PSMD1: variants seen among roughly 807,000 people sequenced by gnomAD.
The protein encoded by PSMD1 is 26S proteasome non-ATPase regulatory subunit 1.
In PSMD1, 18 loss-of-function variants were observed where a neutral mutation model predicts 119.0. That is an observed-to-expected ratio of 0.15 (90% CI 0.10 to 0.22). PSMD1 has a LOEUF of 0.22. PSMD1 is among the 10% of genes least tolerant of loss of function. The pLI, the probability that PSMD1 is intolerant of heterozygous loss-of-function variation, is 1.00. For missense variants in PSMD1, 702 were observed against 1,158.5 expected (o/e 0.61, Z 5.72); for synonymous variants, 374 against 396.6 (o/e 0.94, Z 0.68).
intron 4 of PSMD1, 44 bp from the exon 5 acceptor site, chr2:231,066,862 T>G (rs914166227): frequency 1.4e-6 from 2 of 1,471,878 alleles, no homozygotes; most frequent in Admixed American, 2.3e-5. Context: ...TCTGATAGTT[T>G]AGCCCAATTT....
At chr2:231,172,364 A>T (rs913189185) in intron 24 of PSMD1, among the ~76,000 whole-genome samples, 171 bp from the exon 25 acceptor site, 1 of 152,224 alleles carries the variant, frequency 6.6e-6, no homozygotes, top group Non-Finnish European at 1.5e-5. Context: ...TCAGTCCATT[A>T]GGAGTTTGGA....
At chr2:231,089,397 AG>A (rs1243058107) in intron 16 of PSMD1, among the ~76,000 whole-genome samples, 1 of 152,202 alleles carries the variant, frequency 6.6e-6, no homozygotes, top group Non-Finnish European at 1.5e-5. Context: ...TCACAGCTTC[AG>A]AGGACAGGCT....
intron 16 of PSMD1, among the ~76,000 whole-genome samples, chr2:231,098,576 T>C (rs889187828): frequency 6.6e-5 from 10 of 151,540 alleles, no homozygotes; most frequent in Admixed American, 1.3e-4. Context: ...TCTCTCTCTC[T>C]CCCCTCTCTG....
At chr2:231,058,487 G>A (rs1293768125) in intron 1 of PSMD1, among the ~76,000 whole-genome samples, 1 of 151,280 alleles carries the variant, frequency 6.6e-6, no homozygotes, top group East Asian at 1.9e-4. Flanking sequence ...TTCTTACTGT[G>A]GTGGTCGGAC....
intron 16 of PSMD1, among the ~76,000 whole-genome samples, chr2:231,127,174 C>T (rs1254253975): frequency 6.6e-6 from 1 of 151,536 alleles, no homozygotes; most frequent in Non-Finnish European, 1.5e-5. Context: ...TTTTAATAAA[C>T]ATGTTTCCCT....
chr2:231,064,279 G>A (rs903008483), intron 4 of PSMD1, among the ~76,000 whole-genome samples: 1 of 152,188 alleles, frequency 6.6e-6, no homozygotes, highest in Non-Finnish European at 1.5e-5. Context: ...AGGCTTCCTA[G>A]CGTCTTAATG....
intron 21 of PSMD1, 158 bp from the exon 22 acceptor site, chr2:231,165,041 TA>T (rs1696737850): frequency 1.1e-4 from 1 of 9,438 alleles, no homozygotes; most frequent in Non-Finnish European, 1.7e-4. Flanking sequence ...TATTTATATA[TA>T]TATATATATA....
At chr2:231,082,466 G>A (rs1055577655) in intron 12 of PSMD1, among the ~76,000 whole-genome samples, 2 of 152,214 alleles carry the variant, frequency 1.3e-5, no homozygotes, top group Non-Finnish European at 2.9e-5. Context: ...AACTTTGGGA[G>A]GCCAAGGTGG....
rs768662375 is a variant in PSMD1, at chr2:231,070,141, G to T, written c.627G>T (p.Glu209Asp). ...TAGTTAAAATCTACATGAACTTGGAGAAACCTGATTTCATCAATGTTTGTC... is the reference window on the plus strand; with the variant it reads ...TAGTTAAAATCTACATGAACTTGGATAAACCTGATTTCATCAATGTTTGTC... ...RVLVKIYMNL[E>D]KPDFINVCQC... Residue 209 changes from glutamate (E) to aspartate (D), a missense_variant, in exon 6 of 25, where the codon GAG (glutamate) becomes GAT (aspartate). Physicochemically the swap from Glu to Asp is conservative, Grantham distance 45. Around this residue, in one of 9 missense-constraint regions of PSMD1, gnomAD observed 32 missense variants for 77.1 expected, o/e 0.42. Transcript: ENST00000308696. 1.2e-5 allele frequency: 19 copies of T among 1,554,868 alleles called. No homozygotes were observed. Among genetic ancestry groups the T allele is most frequent in the South Asian group, 1.2e-5 (1 of 80,256 alleles).
Position 231,070,401 on chromosome 2 carries a change from G to A in PSMD1, c.654+233G>A, listed in dbSNP as rs116468775. Among the ~76,000 whole-genome samples the A allele has an allele frequency of 9.9e-3, 1,505 of 151,970 alleles. 14 individuals are homozygous for A. The highest frequency in any genetic ancestry group is 0.017 in the Middle Eastern group (5 of 294). On this transcript the variant is annotated intron_variant, in intron 6 of 24. Transcript: ENST00000308696. ...TTTTGTTGTAACACATTCTTTCTTT[G>A]TATTCTTTTTTCATTTTGAAAATCC...
Position 231,144,159 on chromosome 2 carries a change from G to A in PSMD1, c.1999-2081G>A, listed in dbSNP as rs78389116. Among the ~76,000 whole-genome samples the A allele has an allele frequency of 3.3e-3, 507 of 152,080 alleles. 3 individuals are homozygous for A. The highest frequency in any genetic ancestry group is 0.011 in the African/African-American group (475 of 41,504). On this transcript the variant is annotated intron_variant, in intron 17 of 24. Transcript: ENST00000308696. Reference sequence around the variant, plus strand: ...GCTAGTCTTGAACTCTTGGGATCAAGTAGTCATCCCACCTTGCCTCTCAGA... The same window carrying A: ...GCTAGTCTTGAACTCTTGGGATCAAATAGTCATCCCACCTTGCCTCTCAGA...
At chr2:231,092,761 C>T (rs1438349402) in intron 16 of PSMD1, among the ~76,000 whole-genome samples, 1 of 152,172 alleles carries the variant, frequency 6.6e-6, no homozygotes, top group African/African-American at 2.4e-5. Context: ...AAGTGGAATC[C>T]ATTACTTTCC....
At chr2:231,121,104 T>A (rs1047835525) in intron 16 of PSMD1, among the ~76,000 whole-genome samples, 2 of 152,226 alleles carry the variant, frequency 1.3e-5, no homozygotes, top group Non-Finnish European at 2.9e-5. Context: ...CTTTAAATAA[T>A]GCAATAATGT....
chr2:231,138,922 T>A, intron 17 of PSMD1, 72 bp downstream of exon 17: 1 of 1,099,178 alleles, frequency 9.1e-7, no homozygotes, highest in Non-Finnish European at 1.4e-6. Flanking sequence ...AGAATTTATG[T>A]AACAGCTGTA....
intron 16 of PSMD1, chr2:231,109,330 C>T (rs1250756168): frequency 1.2e-6 from 2 of 1,613,896 alleles, no homozygotes; most frequent in Admixed American, 1.7e-5. Context: ...CAAAACGTTC[C>T]TTTGTCAGCA....
chr2:231,138,322 C>T (rs888536569), intron 16 of PSMD1, among the ~76,000 whole-genome samples: 1 of 152,208 alleles, frequency 6.6e-6, no homozygotes, highest in Non-Finnish European at 1.5e-5. Flanking sequence ...TTAAATCTTT[C>T]ATGTAACTTA....
intron 2 of PSMD1, among the ~76,000 whole-genome samples, 196 bp downstream of exon 2, chr2:231,061,506 A>G (rs560898945): frequency 2.6e-5 from 4 of 152,306 alleles, no homozygotes; most frequent in African/African-American, 9.6e-5. Flanking sequence ...AGCTAAGACA[A>G]ATAAACCTCG....
Position 231,124,047 on chromosome 2 carries a change from T to G in PSMD1, c.1884-14689T>G, listed in dbSNP as rs1203022811. 4 of 345,106 alleles carry G rather than the reference T, an allele frequency of 1.2e-5. No individual in the cohort carries two copies. In the East Asian group the frequency reaches 2.5e-4, roughly 21 times the overall value. The allele number at this position is 345,106 out of a possible 1,614,324, so 21.4% of individuals were successfully genotyped here. ...TGATAGCTGTGAAAAAAATAGGATA[T>G]ATATATATTTTTAGTTTCTCTCTCT... On this transcript the variant is annotated intron_variant, in intron 16 of 24. Coordinates refer to ENST00000308696, the MANE Select transcript of PSMD1 (RefSeq NM_002807.4).
intron 16 of PSMD1, among the ~76,000 whole-genome samples, chr2:231,122,820 T>A (rs1695591347): frequency 6.6e-6 from 1 of 152,172 alleles, no homozygotes; most frequent in African/African-American, 2.4e-5. Context: ...ATCATCTCTT[T>A]GGACACTCTG....
Sources: gnomAD v4.1 joint callset for allele counts (sites outside exome capture counted in the v4.1 genomes callset) on GRCh38, gnomAD v4.1.1 for gene constraint, gnomAD v4.1.1 regional missense constraint, MANE v1.5 for transcripts, NCBI Gene and HGNC (gene_info 2026-07-23, HGNC 2026-07-21) for gene names.